The following INPP5A variants were observed in gnomAD, a reference collection of about 807,000 sequenced individuals.
INPP5A encodes the protein 43 kDa inositol polyphosphate 5-phophatase.
In INPP5A, 14 loss-of-function variants were observed where a neutral mutation model predicts 65.2. The ratio of observed to expected loss-of-function variants is 0.21; its 90% CI spans 0.14 to 0.34. INPP5A has a LOEUF of 0.34. Ranked by LOEUF, INPP5A falls within the 10% of genes least tolerant of loss-of-function variation. The probability of loss-of-function intolerance (pLI) is 1.00; values close to 1 mark genes in which losing one functional copy is unlikely to be tolerated. For missense variants in INPP5A, 431 were observed against 545.6 expected, an observed-to-expected ratio of 0.79 and a Z score of 2.09; for synonymous variants, 207 against 208.3, an observed-to-expected ratio of 0.99 and a Z score of 0.05.
In INPP5A at chr10:132,718,256, C is replaced by T. The variant is rs374771871; in HGVS notation, c.647+7800C>T. On this transcript the variant is annotated intron_variant, in intron 8 of 15. Transcript: ENST00000368594. ...CTGGGCACCTTAGACGGCTGTCTTG[C>T]GGGTTCTGTGGTACCTGGGTTCTTT... Among the ~76,000 whole-genome samples the T allele has an allele frequency of 8.6e-3, 998 of 116,362 alleles. 8 individuals carry two copies. Among genetic ancestry groups the T allele is most frequent in the African/African-American group, 0.03 (892 of 29,664 alleles). The allele number at this position is 116,362 out of a possible 152,430, so 76.3% of individuals were successfully genotyped here. A position where few individuals can be genotyped will look rare whatever the true frequency, so the allele number is the denominator to read the frequency against.
At chr10:132,710,753 CAGGT>C (rs1027836620) in intron 8 of INPP5A, among the ~76,000 whole-genome samples, 1 of 139,622 alleles carries the variant, frequency 7.2e-6, no homozygotes, top group Non-Finnish European at 1.5e-5. Context: ...GTGTGCTGGG[CAGGT>C]AGGTGTGAGT....
intron 4 of INPP5A, among the ~76,000 whole-genome samples, chr10:132,654,804 G>A (rs747923443): frequency 1.3e-5 from 2 of 152,242 alleles, no homozygotes; most frequent in Non-Finnish European, 2.9e-5. Context: ...CCCAGAAGGC[G>A]ATTGAACCTG....
chr10:132,604,122 C>T (rs1288008410), intron 1 of INPP5A, among the ~76,000 whole-genome samples: 3 of 147,148 alleles, frequency 2.0e-5, no homozygotes, highest in Admixed American at 6.7e-5. Flanking sequence ...CTCTCCGGCG[C>T]ACCCTGTGCT....
At chr10:132,776,359 T>TC (rs1263741588) in intron 12 of INPP5A, among the ~76,000 whole-genome samples, 4 of 151,840 alleles carry the variant, frequency 2.6e-5, no homozygotes, top group Non-Finnish European at 4.4e-5. Context: ...AAGTTCCCAG[T>TC]CCCCGGCTGT....
chr10:132,763,264 C>A (rs1192436893), intron 11 of INPP5A, among the ~76,000 whole-genome samples: 4 of 152,226 alleles, frequency 2.6e-5, no homozygotes, highest in Non-Finnish European at 4.4e-5. Flanking sequence ...GGCTCCTAGT[C>A]TCATAGCTGG....
At chr10:132,779,995 T>C (rs545265666) in intron 13 of INPP5A, among the ~76,000 whole-genome samples, 1 of 152,388 alleles carries the variant, frequency 6.6e-6, no homozygotes, top group East Asian at 1.9e-4. Flanking sequence ...CACGCTGCGT[T>C]TGATGAATGT....
chr10:132,746,606 G>T (rs760418139), intron 9 of INPP5A, among the ~76,000 whole-genome samples: 1 of 152,218 alleles, frequency 6.6e-6, no homozygotes, highest in African/African-American at 2.4e-5. Context: ...CAGGAACTTC[G>T]TGATCCACAC....
Position 132,571,857 on chromosome 10 carries a change from G to A in INPP5A, c.75+33686G>A, listed in dbSNP as rs901824830. Among the ~76,000 whole-genome samples, 5 of 152,346 alleles carry A rather than the reference G, an allele frequency of 3.3e-5. No homozygotes were observed. The South Asian group carries it at 6.2e-4, about 19-fold the overall frequency. On this transcript the variant is annotated intron_variant, in intron 1 of 15. Transcript: ENST00000368594. Reference sequence around the variant, plus strand: ...CCTGCGGTAGCAGGTGGAGGGGGCAGGGTGTGAACTGAGCTGGGGCTGGCT... The same window carrying A: ...CCTGCGGTAGCAGGTGGAGGGGGCAAGGTGTGAACTGAGCTGGGGCTGGCT...
At chr10:132,688,307 G>C (rs1845175046) in intron 4 of INPP5A, among the ~76,000 whole-genome samples, 1 of 152,208 alleles carries the variant, frequency 6.6e-6, no homozygotes, top group Admixed American at 6.5e-5. Flanking sequence ...TGACGCCCCA[G>C]TGTGGTGCAC....
intron 4 of INPP5A, among the ~76,000 whole-genome samples, chr10:132,662,030 A>C (rs1182053022): frequency 6.6e-6 from 1 of 152,222 alleles, no homozygotes; most frequent in African/African-American, 2.4e-5. Flanking sequence ...TGGATCATAG[A>C]CCTAGCGTAA....
In INPP5A at chr10:132,782,726, G is replaced by A. The variant is rs545406493; in HGVS notation, c.*697G>A. On this transcript the variant is annotated 3_prime_UTR_variant, in exon 16 of 16. Coordinates refer to ENST00000368594, the MANE Select transcript of INPP5A (RefSeq NM_005539.5). This position sits in a 1 kb window ranked among gnomAD's most constrained non-coding sequence, Gnocchi z 4.4. ...ATCAGCAGGCGGCATTGGAGTCTAG[G>A]AGCTCAGCTGTGTGTCCATCAACAC... 46 of 152,268 alleles carry A rather than the reference G, an allele frequency of 3.0e-4. No individual in the cohort carries two copies. Among genetic ancestry groups the A allele is most frequent in the Non-Finnish European group, 5.9e-4 (40 of 68,022 alleles). 9.4% of individuals were successfully genotyped at this position (152,268 alleles called of 1,614,324 possible).
chr10:132,611,696 T>A (rs1476305906), intron 2 of INPP5A, among the ~76,000 whole-genome samples: 51 of 27,698 alleles, frequency 1.8e-3, no homozygotes, highest in South Asian at 3.1e-3. Context: ...GGAGGTGAGG[T>A]GGGCAGGGGA....
At chr10:132,577,491 A>G in intron 1 of INPP5A, among the ~76,000 whole-genome samples, 1 of 152,230 alleles carries the variant, frequency 6.6e-6, no homozygotes, top group East Asian at 1.9e-4. Flanking sequence ...CATGGCCATG[A>G]AAACAGTGGG....
In INPP5A at chr10:132,781,945, G is replaced by A. The variant is rs1287753702; in HGVS notation, c.*4G>A. On this transcript the variant is annotated 3_prime_UTR_variant, in exon 15 of 16. Transcript: ENST00000368594. ...CAAGTGTTGTGTCGTGCAGTGACGT[G>A]GTGGTAAATATGACTCCTCCCTCCA... 6.2e-7 allele frequency: 1 copy of A among 1,613,466 alleles called. No individual in the cohort carries two copies. The highest frequency in any genetic ancestry group is 1.3e-5 in the African/African-American group (1 of 74,922).
At chr10:132,772,665 C>T (rs1372612592) in intron 12 of INPP5A, among the ~76,000 whole-genome samples, 2 of 122,302 alleles carry the variant, frequency 1.6e-5, no homozygotes, top group East Asian at 2.4e-4. Context: ...ACACAGAGGC[C>T]ACGGCAGCCG....
At chr10:132,734,299 T>C (rs1235638884) in intron 9 of INPP5A, among the ~76,000 whole-genome samples, 1 of 152,162 alleles carries the variant, frequency 6.6e-6, no homozygotes, top group Non-Finnish European at 1.5e-5. Flanking sequence ...GGCTGTGCGC[T>C]TCTCCTTCCT....
At chr10:132,605,907 C>A (rs1323131641) in intron 1 of INPP5A, among the ~76,000 whole-genome samples, 1 of 152,176 alleles carries the variant, frequency 6.6e-6, no homozygotes, top group Non-Finnish European at 1.5e-5. Context: ...ACACGGATGT[C>A]TTTGTTTAGA....
intron 8 of INPP5A, among the ~76,000 whole-genome samples, 158 bp downstream of exon 8, chr10:132,710,614 GAGGTAGGTATGGATGGC>G (rs1282818946): frequency 7.3e-5 from 11 of 151,072 alleles, no homozygotes; most frequent in Non-Finnish European, 1.3e-4. Context: ...TGTGGATGGA[GAGGTAGGTATGGATGGC>G]AGGTAGGTGT....
intron 1 of INPP5A, among the ~76,000 whole-genome samples, chr10:132,583,325 T>C (rs2071508482): frequency 1.3e-5 from 2 of 152,202 alleles, no homozygotes; most frequent in South Asian, 4.1e-4. Context: ...TGGGTGACAG[T>C]TGTAAACAGT....
Sources: allele counts gnomAD v4.1 joint callset (sites outside exome capture counted in the v4.1 genomes callset), GRCh38; gene constraint gnomAD v4.1.1; non-coding constraint Gnocchi (gnomAD v3.1); transcripts MANE v1.5; gene names NCBI Gene and HGNC (gene_info 2026-07-23, HGNC 2026-07-21).